The following KCNN2 variants were observed in gnomAD, a reference collection of about 807,000 sequenced individuals.
The protein encoded by KCNN2 is small conductance calcium-activated potassium channel protein 2.
KCNN2 carries 24 observed loss-of-function variants against 55.5 expected under a neutral mutation model. The observed-to-expected ratio is 0.43, with a 90% CI of 0.31 to 0.61. KCNN2 has a LOEUF of 0.61. KCNN2 is among the 20% of genes least tolerant of loss of function. The pLI is 0.08. For missense variants in KCNN2, 754 were observed against 853.6 expected (o/e 0.88, Z 1.45); for synonymous variants, 431 against 336.1 (o/e 1.28, Z -3.09).
chr5:114,290,813 T>G (rs1270161694), intron 2 of KCNN2, among the ~76,000 whole-genome samples: 1 of 152,148 alleles, frequency 6.6e-6, no homozygotes, highest in Non-Finnish European at 1.5e-5. Context: ...TCTAAATATC[T>G]TCTAATCCTC....
intron 2 of KCNN2, among the ~76,000 whole-genome samples, chr5:114,310,460 A>G (rs1580712644): frequency 6.6e-6 from 1 of 152,336 alleles, no homozygotes; most frequent in Admixed American, 6.5e-5. Flanking sequence ...ATAAACTAAA[A>G]GTATCTGATA....
chr5:114,367,778 C>T (rs1757644501), intron 2 of KCNN2, among the ~76,000 whole-genome samples: 1 of 152,070 alleles, frequency 6.6e-6, no homozygotes, highest in Admixed American at 6.5e-5. Context: ...GCTTCCACTG[C>T]ATCTTTTCAG....
At chr5:114,485,959 A>G (rs1379034713) in intron 5 of KCNN2, among the ~76,000 whole-genome samples, 1 of 152,166 alleles carries the variant, frequency 6.6e-6, no homozygotes, top group Non-Finnish European at 1.5e-5. Context: ...GATTGAGAGA[A>G]CTTTAACATT....
chr5:114,156,653 G>A (rs1471838881), intron 1 of KCNN2, among the ~76,000 whole-genome samples: 1 of 152,110 alleles, frequency 6.6e-6, no homozygotes, highest in East Asian at 1.9e-4. Context: ...AGTCATGGAA[G>A]GAATTCTTTC....
At chr5:114,256,668 TC>T (rs1754989238) in intron 2 of KCNN2, among the ~76,000 whole-genome samples, 1 of 152,158 alleles carries the variant, frequency 6.6e-6, no homozygotes, top group Non-Finnish European at 1.5e-5. Flanking sequence ...CATTTGTATG[TC>T]TTCCTTGAAA....
intron 3 of KCNN2, among the ~76,000 whole-genome samples, chr5:114,412,791 T>G (rs1314731940): frequency 6.6e-6 from 1 of 152,244 alleles, no homozygotes; most frequent in East Asian, 1.9e-4. Context: ...TGGGATCAAG[T>G]TTCTTTAATA....
At chr5:114,369,992 A>T (rs1757715822) in intron 2 of KCNN2, among the ~76,000 whole-genome samples, 1 of 152,076 alleles carries the variant, frequency 6.6e-6, no homozygotes, top group Non-Finnish European at 1.5e-5. Flanking sequence ...TTCAGTTAGG[A>T]TAGGAAGTGG....
At chr5:114,341,906 T>G (rs1029154859) in intron 2 of KCNN2, among the ~76,000 whole-genome samples, 2 of 147,106 alleles carry the variant, frequency 1.4e-5, no homozygotes, top group African/African-American at 2.5e-5. Context: ...CATAATGTGT[T>G]TTTTTTTTTT....
In KCNN2 at chr5:114,440,832, AAC is replaced by A. The variant is rs775739175; in HGVS notation, c.1638-22215_1638-22214del. 1.0e-3 allele frequency among the ~76,000 whole-genome samples: 94 copies of A among 94,412 alleles called. 1 individual carries two copies. The highest frequency in any genetic ancestry group is 1.2e-3 in the Non-Finnish European group (44 of 36,492). 61.9% of individuals were successfully genotyped at this position (94,412 alleles called of 152,430 possible). A position where few individuals can be genotyped will look rare whatever the true frequency, so the allele number is the denominator to read the frequency against. On this transcript the variant is annotated intron_variant, in intron 3 of 7. Transcript: ENST00000673685. ...TGTAGTATGAAGGGAGCATATAACA[AAC>A]AGGGAATTATTAATAGAAATTTGAA...
intron 1 of KCNN2, among the ~76,000 whole-genome samples, chr5:114,199,428 T>C (rs543758032): frequency 9.2e-5 from 14 of 152,258 alleles, no homozygotes; most frequent in South Asian, 6.2e-4. Context: ...AAGGTTAATA[T>C]TGATATATGA....
chr5:114,372,584 AT>A (rs1413858680), intron 2 of KCNN2, among the ~76,000 whole-genome samples: 1 of 151,992 alleles, frequency 6.6e-6, no homozygotes, highest in Non-Finnish European at 1.5e-5. Flanking sequence ...TAAAAATTTT[AT>A]TTTTTCCCTT....
chr5:114,495,976 A>G lies in KCNN2; in HGVS notation c.2170A>G (p.Thr724Ala), dbSNP rs1333419277. The change falls in exon 8 of 8, where the codon ACA (threonine) becomes GCA (alanine). Residue 724 changes from threonine to alanine, a missense_variant. Thr to Ala is a moderately conservative substitution (Grantham distance 58). This residue lies in a region of KCNN2 where 164 missense variants were observed against 156.6 expected (regional missense o/e 1.05). Coordinates refer to ENST00000673685, the MANE Select transcript of KCNN2 (RefSeq NM_021614.4). ...DFEKRIVTLE[T>A]KLETLIGSIH... ...CGAGAAGAGGATTGTTACCCTGGAA[A>G]CAAAACTAGAGACTTTGATTGGTAG... The G allele has an allele frequency of 2.5e-6, 4 of 1,614,072 alleles. No homozygotes were observed. Among genetic ancestry groups the G allele is most frequent in the Middle Eastern group, 1.6e-4 (1 of 6,062 alleles).
chr5:114,285,852 G>T (rs143459075), intron 2 of KCNN2, among the ~76,000 whole-genome samples: 70 of 151,304 alleles, frequency 4.6e-4, no homozygotes, highest in African/African-American at 1.6e-3. Flanking sequence ...GAGATATAAA[G>T]AATTAGCTGC....
chr5:114,433,252 C>T (rs2150088325), intron 3 of KCNN2, among the ~76,000 whole-genome samples: 1 of 152,296 alleles, frequency 6.6e-6, no homozygotes, highest in Admixed American at 6.5e-5. Context: ...CCAATCAGCA[C>T]CCTGTGTCTA....
At chr5:114,180,089 C>G (rs913093739) in intron 1 of KCNN2, among the ~76,000 whole-genome samples, 1 of 152,074 alleles carries the variant, frequency 6.6e-6, no homozygotes, top group Non-Finnish European at 1.5e-5. Context: ...ACTCTGTGGA[C>G]AAATATAACA....
chr5:114,269,574 T>G (rs747128803), intron 2 of KCNN2, among the ~76,000 whole-genome samples: 1 of 151,882 alleles, frequency 6.6e-6, no homozygotes, highest in Non-Finnish European at 1.5e-5. Context: ...GACCTTCCTT[T>G]CAGATAATTG....
intron 6 of KCNN2, among the ~76,000 whole-genome samples, chr5:114,490,257 C>T (rs1747782420): frequency 6.6e-6 from 1 of 152,146 alleles, no homozygotes; most frequent in African/African-American, 2.4e-5. Context: ...CTTTCAGAAA[C>T]CCCAGGCTTC....
In KCNN2 at chr5:114,363,262, G is replaced by T; in HGVS notation, c.1122+1G>T. Reference sequence around the variant, plus strand: ...GCTGTCGTGGGGCGCCTACGACAAGGTACAGGCTTGAACCCCAGCCCACGC... The same window carrying T: ...GCTGTCGTGGGGCGCCTACGACAAGTTACAGGCTTGAACCCCAGCCCACGC... On this transcript the variant is annotated splice_donor_variant, in intron 1 of 7. Coordinates refer to ENST00000673685, the MANE Select transcript of KCNN2 (RefSeq NM_021614.4). LOFTEE classifies it high-confidence loss of function. 1.2e-6 allele frequency: 2 copies of T among 1,601,740 alleles called. No homozygotes were observed. The highest frequency in any genetic ancestry group is 8.5e-7 in the Non-Finnish European group (1 of 1,174,204).
At chr5:114,137,325 C>T (rs1445388188) in intron 1 of KCNN2, among the ~76,000 whole-genome samples, 1 of 152,036 alleles carries the variant, frequency 6.6e-6, no homozygotes, top group Non-Finnish European at 1.5e-5. Flanking sequence ...TCTTAAAACT[C>T]GATGGGAATT....
Sources: allele counts gnomAD v4.1 joint callset (sites outside exome capture counted in the v4.1 genomes callset), GRCh38; gene constraint gnomAD v4.1.1; regional missense constraint gnomAD v4.1.1; transcripts MANE v1.5; gene names NCBI Gene and HGNC (gene_info 2026-07-23, HGNC 2026-07-21).